Variants in NEGR1 observed in about 807,000 individuals in gnomAD.
NEGR1 encodes neuronal growth regulator 1, also known as IgLON family member 4.
Under a neutral mutation model 40.9 loss-of-function variants are expected in NEGR1, and 10 were observed. The observed-to-expected ratio is 0.24, with a 90% CI of 0.15 to 0.42. The LOEUF (loss-of-function observed/expected upper bound fraction) is 0.42. Among genes scored for constraint, NEGR1 ranks in the 10% least tolerant of loss-of-function variants. NEGR1 has a pLI of 1.00. For synonymous variants in NEGR1, 185 were observed against 166.8 expected (o/e 1.11, Z -0.84); for missense variants, 352 against 438.9 (o/e 0.80, Z 1.77).
In NEGR1 at chr1:71,416,860, C is replaced by T. The variant is rs180683536; in HGVS notation, c.941-9290G>A. ...GCTTCTATGTCTGTATGTGTTGAAA[C>T]AGTACTCGTATATCAGTGCCCATCT... On this transcript the variant is annotated intron_variant, in intron 6 of 6. Coordinates refer to ENST00000357731, the MANE Select transcript of NEGR1 (RefSeq NM_173808.3). Among the ~76,000 whole-genome samples the T allele has an allele frequency of 4.4e-3, 677 of 152,266 alleles. 8 individuals carry two copies. The highest frequency in any genetic ancestry group is 0.016 in the African/African-American group (655 of 41,540).
chr1:71,765,221 C>A (rs1452719547), intron 3 of NEGR1, among the ~76,000 whole-genome samples: 1 of 152,086 alleles, frequency 6.6e-6, no homozygotes, highest in Admixed American at 6.6e-5. Context: ...CTGCACATTG[C>A]CCAACCAATG....
chr1:72,219,687 A>G (rs1371165889), intron 1 of NEGR1, among the ~76,000 whole-genome samples: 1 of 152,088 alleles, frequency 6.6e-6, no homozygotes, highest in Non-Finnish European at 1.5e-5. Context: ...TTATAATTAA[A>G]TTAAAAGGAT....
intron 1 of NEGR1, among the ~76,000 whole-genome samples, chr1:72,091,245 T>C (rs1385908): frequency 6.6e-6 from 1 of 152,108 alleles, no homozygotes; most frequent in African/African-American, 2.4e-5. Flanking sequence ...ACATACATGG[T>C]CATGCACATT....
chr1:72,067,899 A>G (rs1167631840), intron 1 of NEGR1, among the ~76,000 whole-genome samples: 1 of 152,180 alleles, frequency 6.6e-6, no homozygotes, highest in East Asian at 1.9e-4. Flanking sequence ...TCCAACTGGA[A>G]TGTACCAAAA....
intron 1 of NEGR1, among the ~76,000 whole-genome samples, chr1:72,049,815 T>G (rs2100473110): frequency 6.6e-6 from 1 of 151,712 alleles, no homozygotes; most frequent in African/African-American, 2.4e-5. Flanking sequence ...TTGGTGTTAT[T>G]ATTTCGCTCT....
At chr1:71,938,867 G>T (rs1345415894) in intron 1 of NEGR1, among the ~76,000 whole-genome samples, 2 of 152,058 alleles carry the variant, frequency 1.3e-5, no homozygotes, top group African/African-American at 4.8e-5. Flanking sequence ...AGAGTCTCTG[G>T]CTTCTGCCCT....
Position 71,420,390 on chromosome 1 carries a change from A to G in NEGR1, c.941-12820T>C, listed in dbSNP as rs557950974. Among the ~76,000 whole-genome samples the G allele has an allele frequency of 2.4e-4, 37 of 152,174 alleles. No homozygotes were observed. The South Asian group carries it at 7.5e-3, about 31-fold the overall frequency. ...CCAGTAATCACATTATTTATTCAAC[A>G]AGTGCTATGGAGTGCCTGCTATGTG... On this transcript the variant is annotated intron_variant, in intron 6 of 6. Transcript: ENST00000357731.
chr1:71,761,335 T>C (rs982232999), intron 3 of NEGR1, among the ~76,000 whole-genome samples: 10 of 152,136 alleles, frequency 6.6e-5, no homozygotes, highest in African/African-American at 2.4e-4. Context: ...TAATCTTTAC[T>C]TACAAAAAAG....
intron 2 of NEGR1, among the ~76,000 whole-genome samples, chr1:71,911,209 T>A (rs1661412947): frequency 6.6e-6 from 1 of 152,184 alleles, no homozygotes; most frequent in Admixed American, 6.5e-5. Context: ...AAAGTGTATT[T>A]GAATGGTAAT....
chr1:71,679,313 C>T lies in NEGR1; in HGVS notation c.667+18695G>A, dbSNP rs147448756. On this transcript the variant is annotated intron_variant, in intron 4 of 6. Transcript: ENST00000357731. ...TTTGAATGAAATTGTATTTAATTCA[C>T]AGATCAATTTGAGGACAATCAACAT... 6.0e-3 allele frequency among the ~76,000 whole-genome samples: 910 copies of T among 152,166 alleles called. 15 individuals carry two copies. Among genetic ancestry groups the T allele is most frequent in the African/African-American group, 0.02 (845 of 41,544 alleles).
At chr1:72,177,072 A>G (rs1652194421) in intron 1 of NEGR1, among the ~76,000 whole-genome samples, 1 of 152,100 alleles carries the variant, frequency 6.6e-6, no homozygotes, top group Non-Finnish European at 1.5e-5. Context: ...CACAATAGTG[A>G]AAATCTAATA....
intron 1 of NEGR1, among the ~76,000 whole-genome samples, chr1:72,273,881 T>C (rs10493496): frequency 0.098 from 14,853 of 151,640 alleles, 2,463 homozygotes; most frequent in African/African-American, 0.34. Context: ...TACCCTTCCA[T>C]TGATTCATTA....
At position 72,027,124 on chromosome 1, in the gene NEGR1, C is replaced by T. The variant is rs1646817638; in HGVS notation, c.177-91813G>A. Among the ~76,000 whole-genome samples, 3 of 152,064 alleles carry T rather than the reference C, an allele frequency of 2.0e-5. 1 individual carries two copies. The highest frequency in any genetic ancestry group is 2.0e-4 in the Admixed American group (3 of 15,268). On this transcript the variant is annotated intron_variant, in intron 1 of 6. Coordinates refer to ENST00000357731, the MANE Select transcript of NEGR1 (RefSeq NM_173808.3). ...GCATTTTTTAGTAGAGACAGGGTTTCACTGTGTTAGCCAGGATGGTCTCGA... is the reference window on the plus strand; with the variant it reads ...GCATTTTTTAGTAGAGACAGGGTTTTACTGTGTTAGCCAGGATGGTCTCGA...
intron 1 of NEGR1, among the ~76,000 whole-genome samples, chr1:72,004,668 C>T (rs1646590224): frequency 6.6e-6 from 1 of 152,028 alleles, no homozygotes; most frequent in Non-Finnish European, 1.5e-5. Flanking sequence ...CAGTCACACA[C>T]ATATATACCA....
intron 4 of NEGR1, among the ~76,000 whole-genome samples, chr1:71,642,249 G>C (rs1282203781): frequency 1.3e-5 from 2 of 151,866 alleles, no homozygotes; most frequent in Non-Finnish European, 2.9e-5. Context: ...ATATGGCCAG[G>C]AGAATAAAAG....
At chr1:72,240,303 C>T (rs1428003636) in intron 1 of NEGR1, among the ~76,000 whole-genome samples, 1 of 151,630 alleles carries the variant, frequency 6.6e-6, no homozygotes, top group African/African-American at 2.4e-5. Context: ...CTAGTTTGTG[C>T]CCTAATTAAA....
chr1:71,765,838 G>A (rs573420427), intron 3 of NEGR1, among the ~76,000 whole-genome samples: 2 of 152,226 alleles, frequency 1.3e-5, no homozygotes, highest in East Asian at 1.9e-4. Flanking sequence ...ATCAATGACT[G>A]TTTATTAAAC....
At chr1:72,257,815 A>G (rs992547797) in intron 1 of NEGR1, among the ~76,000 whole-genome samples, 1 of 151,332 alleles carries the variant, frequency 6.6e-6, no homozygotes, top group African/African-American at 2.5e-5. Context: ...TGAAGATCAG[A>G]TATCTTAAAT....
At chr1:71,751,843 AT>A (rs1290295092) in intron 3 of NEGR1, among the ~76,000 whole-genome samples, 1 of 152,240 alleles carries the variant, frequency 6.6e-6, no homozygotes, top group African/African-American at 2.4e-5. Context: ...CTCTTTCAGA[AT>A]TCCATTTAAA....
Sources: gnomAD v4.1 joint callset for allele counts (sites outside exome capture counted in the v4.1 genomes callset) on GRCh38, gnomAD v4.1.1 for gene constraint, MANE v1.5 for transcripts, NCBI Gene and HGNC (gene_info 2026-07-23, HGNC 2026-07-21) for gene names.